DLGAP2: variants seen among roughly 807,000 people sequenced by gnomAD.
The protein encoded by DLGAP2 is disks large-associated protein 2.
Under a neutral mutation model 100.3 loss-of-function variants are expected in DLGAP2, and 26 were observed. The ratio of observed to expected loss-of-function variants is 0.26; its 90% CI spans 0.19 to 0.36. The LOEUF is 0.36. DLGAP2 is among the 10% of genes least tolerant of loss of function. The pLI is 1.00. For synonymous variants in DLGAP2, 886 were observed against 630.1 expected (o/e 1.41, Z -6.08); for missense variants, 1,858 against 1,453.2 (o/e 1.28, Z -4.53).
rs1365093568 is a variant in DLGAP2, at chr8:1,603,601, G to GGAGGTGGGGTCTCAGTTCTGCA, written c.1443-23135_1443-23134insTGGGGTCTCAGTTCTGCAGAGG. On this transcript the variant is annotated intron_variant, in intron 6 of 14. Coordinates refer to ENST00000637795, the MANE Select transcript of DLGAP2 (RefSeq NM_001346810.2). Reference sequence around the variant, plus strand: ...CAGTTCTGCAGAGGCTGGTTAGAGTGGAGGCTGGGTCTCAGTTCTGTAGAG... The same window carrying GGAGGTGGGGTCTCAGTTCTGCA: ...CAGTTCTGCAGAGGCTGGTTAGAGTGGAGGTGGGGTCTCAGTTCTGCAGAGGCTGGGTCTCAGTTCTGTAGAG... Among the ~76,000 whole-genome samples, 5 of 152,346 alleles carry GGAGGTGGGGTCTCAGTTCTGCA rather than the reference G, an allele frequency of 3.3e-5. No individual in the cohort carries two copies. In the East Asian group the frequency reaches 9.6e-4, roughly 29 times the overall value.
At chr8:1,269,991 T>C (rs987845759) in intron 3 of DLGAP2, among the ~76,000 whole-genome samples, 1 of 152,120 alleles carries the variant, frequency 6.6e-6, no homozygotes, top group Non-Finnish European at 1.5e-5. Context: ...TTGAAACCGG[T>C]ATTTTCCTGG....
At chr8:1,591,927 G>A (rs1272710093) in intron 6 of DLGAP2, among the ~76,000 whole-genome samples, 1 of 152,258 alleles carries the variant, frequency 6.6e-6, no homozygotes, top group African/African-American at 2.4e-5. Context: ...GGCGGTGGAT[G>A]GAGGAGGAGC....
chr8:1,113,898 T>C (rs1038032977), intron 2 of DLGAP2, among the ~76,000 whole-genome samples: 9 of 152,194 alleles, frequency 5.9e-5, no homozygotes, highest in African/African-American at 2.2e-4. Flanking sequence ...TGAGAATTTT[T>C]AACATGAAGA....
At chr8:1,049,137 T>A (rs946904304) in intron 2 of DLGAP2, among the ~76,000 whole-genome samples, 5 of 152,174 alleles carry the variant, frequency 3.3e-5, no homozygotes, top group Non-Finnish European at 5.9e-5. Context: ...CTGTCAATAA[T>A]GTTTAGACGA....
chr8:932,606 T>A (rs1286061875), intron 2 of DLGAP2, among the ~76,000 whole-genome samples: 2 of 152,220 alleles, frequency 1.3e-5, no homozygotes, highest in Non-Finnish European at 2.9e-5. Flanking sequence ...TTGGTTTTAG[T>A]AAGCACATAA....
chr8:1,604,610 T>A (rs1284119623), intron 6 of DLGAP2: 1 of 152,218 alleles, frequency 6.6e-6, no homozygotes, highest in Non-Finnish European at 1.5e-5. Flanking sequence ...GATCCTGGAA[T>A]CTATATTACA....
chr8:738,540 C>G (rs895217950), intron 1 of DLGAP2: 6 of 152,306 alleles, frequency 3.9e-5, no homozygotes, highest in African/African-American at 1.4e-4. Context: ...TAAGCCTCCC[C>G]CGGCAGCGGC....
chr8:1,495,616 G>A (rs1189306371), intron 3 of DLGAP2, among the ~76,000 whole-genome samples: 1 of 152,190 alleles, frequency 6.6e-6, no homozygotes, highest in African/African-American at 2.4e-5. Context: ...TGCACCTACT[G>A]GGAAGCCTCT....
chr8:1,430,981 C>T (rs1429011469), intron 3 of DLGAP2, among the ~76,000 whole-genome samples: 1 of 152,298 alleles, frequency 6.6e-6, no homozygotes, highest in East Asian at 1.9e-4. Flanking sequence ...TACTTCAAGT[C>T]TCCTATTTAC....
intron 1 of DLGAP2, among the ~76,000 whole-genome samples, chr8:871,624 T>C (rs1797599620): frequency 6.6e-6 from 1 of 152,214 alleles, no homozygotes; most frequent in South Asian, 2.1e-4. Context: ...ATGGAACTGC[T>C]CATTGGAGCA....
intron 2 of DLGAP2, among the ~76,000 whole-genome samples, chr8:1,244,959 G>T (rs1233678090): frequency 6.6e-6 from 1 of 152,198 alleles, no homozygotes; most frequent in Non-Finnish European, 1.5e-5. Context: ...CAGAGGGCAT[G>T]AACAGGCAAT....
chr8:987,905 C>G (rs1319422481), intron 2 of DLGAP2, among the ~76,000 whole-genome samples: 1 of 152,140 alleles, frequency 6.6e-6, no homozygotes, highest in Non-Finnish European at 1.5e-5. Flanking sequence ...ACATGTTTTA[C>G]ATATGTGGTC....
At chr8:1,161,793 G>A (rs1041113463) in intron 2 of DLGAP2, among the ~76,000 whole-genome samples, 1 of 151,976 alleles carries the variant, frequency 6.6e-6, no homozygotes, top group Admixed American at 6.5e-5. Flanking sequence ...GGGGCTCCTG[G>A]AGGCCTGCTG....
intron 1 of DLGAP2, among the ~76,000 whole-genome samples, chr8:846,117 A>G (rs953288846): frequency 1.3e-5 from 2 of 152,254 alleles, no homozygotes; most frequent in African/African-American, 2.4e-5. Flanking sequence ...TACCTCAAAC[A>G]TTGACCATTT....
intron 1 of DLGAP2, among the ~76,000 whole-genome samples, chr8:838,275 T>A (rs1315348812): frequency 2.0e-5 from 3 of 152,188 alleles, no homozygotes; most frequent in African/African-American, 7.2e-5. Context: ...TCTTTCAGCA[T>A]AACGACTTCA....
rs78277092 is a variant in DLGAP2, at chr8:1,693,664, G to A, written c.2796+2038G>A. Reference sequence around the variant, plus strand: ...AAGCAAGCCAGAGTTGCCATCTCATGTCTTTTCCTTAGGATCATTAAAAAG... The same window carrying A: ...AAGCAAGCCAGAGTTGCCATCTCATATCTTTTCCTTAGGATCATTAAAAAG... On this transcript the variant is annotated intron_variant, in intron 13 of 14. Coordinates refer to ENST00000637795, the MANE Select transcript of DLGAP2 (RefSeq NM_001346810.2). 1.1e-4 allele frequency among the ~76,000 whole-genome samples: 17 copies of A among 152,278 alleles called. No individual in the cohort carries two copies. In the East Asian group the frequency reaches 3.1e-3, roughly 28 times the overall value.
At chr8:1,511,147 T>A (rs963011317) in intron 4 of DLGAP2, among the ~76,000 whole-genome samples, 1 of 152,060 alleles carries the variant, frequency 6.6e-6, no homozygotes, top group Non-Finnish European at 1.5e-5. Flanking sequence ...CCTCCATGGA[T>A]GTAAGGGCTG....
intron 4 of DLGAP2, among the ~76,000 whole-genome samples, 168 bp from the exon 5 acceptor site, chr8:1,548,458 G>GGA (rs1554495152): frequency 7.2e-5 from 3 of 41,572 alleles, no homozygotes; most frequent in Non-Finnish European, 1.3e-4. Context: ...GACTGTCTCA[G>GGA]AAAAAAAAAA....
intron 10 of DLGAP2, 42 bp downstream of exon 10, chr8:1,669,826 T>G: frequency 1.3e-6 from 1 of 780,814 alleles, no homozygotes; most frequent in South Asian, 1.3e-5. Context: ...CCGCATGACT[T>G]TCATTTTCTC....
Sources: gnomAD v4.1 joint callset for allele counts (sites outside exome capture counted in the v4.1 genomes callset) on GRCh38, gnomAD v4.1.1 for gene constraint, MANE v1.5 for transcripts, NCBI Gene and HGNC (gene_info 2026-07-23, HGNC 2026-07-21) for gene names.